XRCC4: variants seen among roughly 807,000 people sequenced by gnomAD.
XRCC4 encodes the protein X-ray repair cross complementing 4, also known as DNA repair protein XRCC4.
Under a neutral mutation model 39.1 loss-of-function variants are expected in XRCC4, and 28 were observed. That is an observed-to-expected ratio of 0.72 (90% CI 0.53 to 0.98). XRCC4 has a LOEUF of 0.98. XRCC4 is among the 50% of genes least tolerant of loss of function. XRCC4 has a pLI of 0.00. For synonymous variants in XRCC4, 123 were observed against 126.4 expected (o/e 0.97, Z 0.18); for missense variants, 350 against 376.4 (o/e 0.93, Z 0.58).
chr5:83,231,355 G>A (rs1407964475), intron 6 of XRCC4, among the ~76,000 whole-genome samples: 1 of 151,890 alleles, frequency 6.6e-6, no homozygotes, highest in Non-Finnish European at 1.5e-5. Flanking sequence ...TGTTTTCTGT[G>A]TTCTAAAAGG....
downstream of XRCC4, among the ~76,000 whole-genome samples, chr5:83,353,976 T>C (rs1447111634): frequency 6.6e-6 from 1 of 152,188 alleles, no homozygotes; most frequent in East Asian, 1.9e-4. Context: ...TCCAGTAACA[T>C]CTGGCACTAT....
rs1462400206 is a variant in XRCC4, at chr5:83,318,272, G to A, written c.894-34859G>A. ...CATACTGGATGGGCAAAAACTGGAA[G>A]CATTCCCTTTGAAAACTGGCACAAG... is the stretch of plus-strand genomic sequence containing the variant. On this transcript the variant is annotated intron_variant, in intron 7 of 7. Coordinates refer to ENST00000396027, the MANE Select transcript of XRCC4 (RefSeq NM_003401.5). Among the ~76,000 whole-genome samples, 8 of 127,188 alleles carry A rather than the reference G, an allele frequency of 6.3e-5. 1 individual carries two copies. Among genetic ancestry groups the A allele is most frequent in the Non-Finnish European group, 1.2e-4 (8 of 65,030 alleles). 83.4% of individuals were successfully genotyped at this position (127,188 alleles called of 152,430 possible). A position where few individuals can be genotyped will look rare whatever the true frequency, so the allele number is the denominator to read the frequency against.
At chr5:83,341,940 A>C (rs541452147) in intron 7 of XRCC4, among the ~76,000 whole-genome samples, 1 of 152,190 alleles carries the variant, frequency 6.6e-6, no homozygotes, top group Admixed American at 6.6e-5. Context: ...AGAGGCTTCT[A>C]GGCTAGTGAG....
chr5:83,300,253 C>T (rs1013987507), intron 7 of XRCC4, among the ~76,000 whole-genome samples: 1 of 152,062 alleles, frequency 6.6e-6, no homozygotes, highest in Non-Finnish European at 1.5e-5. Context: ...TTTGTCTCTC[C>T]CTGATGTGCT....
the XRCC4 span, among the ~76,000 whole-genome samples, chr5:83,369,573 C>T: frequency 1.3e-5 from 2 of 152,148 alleles, no homozygotes; most frequent in African/African-American, 2.4e-5. Context: ...CTGCAAAGAA[C>T]CTGATTTCAT....
At chr5:83,104,613 C>T (rs1746107389) in intron 1 of XRCC4, among the ~76,000 whole-genome samples, 1 of 152,090 alleles carries the variant, frequency 6.6e-6, no homozygotes, top group Non-Finnish European at 1.5e-5. Context: ...ACACCGCGCC[C>T]AGCTGAGATG....
intron 3 of XRCC4, among the ~76,000 whole-genome samples, chr5:83,173,160 G>A (rs1749807612): frequency 6.6e-6 from 1 of 152,080 alleles, no homozygotes; most frequent in Admixed American, 6.6e-5. Flanking sequence ...CACTGTAGGG[G>A]AATTTGGGAA....
chr5:83,354,258 C>A (rs1472453147), downstream of XRCC4, among the ~76,000 whole-genome samples: 1 of 152,182 alleles, frequency 6.6e-6, no homozygotes, highest in African/African-American at 2.4e-5. Flanking sequence ...CCTTTCCAGT[C>A]ACTAATTGTT....
At chr5:83,173,304 TC>T (rs1415124625) in intron 3 of XRCC4, among the ~76,000 whole-genome samples, 1 of 152,138 alleles carries the variant, frequency 6.6e-6, no homozygotes. Flanking sequence ...GCTACTATTA[TC>T]CCCCAAATTT....
In XRCC4 at chr5:83,152,778, G is replaced by C. The variant is rs536114910; in HGVS notation, c.315+41575G>C. Among the ~76,000 whole-genome samples the C allele has an allele frequency of 2.6e-5, 4 of 152,072 alleles. No homozygotes were observed. The East Asian group carries it at 7.7e-4, about 29-fold the overall frequency. Reference sequence around the variant, plus strand: ...TGTAGATTCATATGCAGCTACAGAAGTAATATTTACAGAGATCCTGTGTGT... The same window carrying C: ...TGTAGATTCATATGCAGCTACAGAACTAATATTTACAGAGATCCTGTGTGT... On this transcript the variant is annotated intron_variant, in intron 3 of 7. Transcript: ENST00000396027.
chr5:83,341,832 A>G (rs1185960850), intron 7 of XRCC4, among the ~76,000 whole-genome samples: 1 of 152,146 alleles, frequency 6.6e-6, no homozygotes, highest in Non-Finnish European at 1.5e-5. Flanking sequence ...ACTCTCATAT[A>G]TTCAATTATT....
chr5:83,366,094 C>T, the XRCC4 span, among the ~76,000 whole-genome samples: 1 of 152,252 alleles, frequency 6.6e-6, no homozygotes, highest in African/African-American at 2.4e-5. Flanking sequence ...TTAACAGCCC[C>T]ATTAACTCTT....
chr5:83,345,292 G>A (rs1216215470), intron 7 of XRCC4, among the ~76,000 whole-genome samples: 2 of 151,962 alleles, frequency 1.3e-5, no homozygotes, highest in Non-Finnish European at 2.9e-5. Flanking sequence ...CTTATTTCAA[G>A]GTAATAAAGA....
chr5:83,223,930 C>G (rs1170444931), intron 6 of XRCC4, among the ~76,000 whole-genome samples: 1 of 147,156 alleles, frequency 6.8e-6, no homozygotes, highest in Non-Finnish European at 1.5e-5. Flanking sequence ...TCATCCATGT[C>G]CCTACAAAGG....
At chr5:83,310,139 G>C (rs1755656147) in intron 7 of XRCC4, among the ~76,000 whole-genome samples, 1 of 152,192 alleles carries the variant, frequency 6.6e-6, no homozygotes, top group Non-Finnish European at 1.5e-5. Context: ...AAGGCATCTG[G>C]CTACAGGATC....
chr5:83,195,855 T>C lies in XRCC4; in HGVS notation c.401T>C (p.Ile134Thr), dbSNP rs28360135. The C allele has an allele frequency of 0.031, 50,676 of 1,611,916 alleles. 950 individuals are homozygous for C. Among genetic ancestry groups the C allele is most frequent in the Non-Finnish European group, 0.037 (43,238 of 1,178,632 alleles). ...CTTATTTGTTATTGCTTGGACACCA[T>C]TGCAGAAAATCAAGCCAAAAATGAG... is the stretch of plus-strand genomic sequence containing the variant. ...RELICYCLDTIAENQAKNEHL... is the reference protein window; with the variant it reads ...RELICYCLDTTAENQAKNEHL... Residue 134 changes from isoleucine to threonine, a missense_variant, in exon 4 of 8, where the codon ATT becomes ACT. By Grantham distance (89) the Ile-to-Thr change is moderately conservative. Coordinates refer to ENST00000396027, the MANE Select transcript of XRCC4 (RefSeq NM_003401.5).
the XRCC4 span, among the ~76,000 whole-genome samples, chr5:83,374,419 C>T: frequency 6.6e-6 from 1 of 152,140 alleles, no homozygotes; most frequent in Non-Finnish European, 1.5e-5. Context: ...ATTGTGAGGC[C>T]TCCTCGGCCA....
intron 7 of XRCC4, among the ~76,000 whole-genome samples, chr5:83,275,955 C>A (rs1427291480): frequency 6.6e-6 from 1 of 152,012 alleles, no homozygotes; most frequent in Non-Finnish European, 1.5e-5. Context: ...GATTTGATAC[C>A]CAGGTGATTC....
At chr5:83,333,226 T>C (rs1046212307) in intron 7 of XRCC4, among the ~76,000 whole-genome samples, 1 of 152,172 alleles carries the variant, frequency 6.6e-6, no homozygotes, top group Non-Finnish European at 1.5e-5. Flanking sequence ...TAAGACATCT[T>C]TTTCCGTCTT....
Sources: allele counts gnomAD v4.1 joint callset (sites outside exome capture counted in the v4.1 genomes callset), GRCh38; gene constraint gnomAD v4.1.1; transcripts MANE v1.5; gene names NCBI Gene and HGNC (gene_info 2026-07-23, HGNC 2026-07-21).